The following GCNT2 variants were observed in gnomAD, a reference collection of about 807,000 sequenced individuals.
The protein encoded by GCNT2 is N-acetyllactosaminide beta-1,6-N-acetylglucosaminyl-transferase.
In GCNT2, 34 loss-of-function variants were observed where a neutral mutation model predicts 34.2. The ratio of observed to expected loss-of-function variants is 1.00; its 90% CI spans 0.76 to 1.32. GCNT2 has a LOEUF of 1.32. Among genes scored for constraint, GCNT2 ranks in the 40% most tolerant of loss-of-function variants. The pLI is 0.00. For missense variants in GCNT2, 584 were observed against 489.4 expected, an observed-to-expected ratio of 1.19 and a Z score of -1.82; for synonymous variants, 212 against 188.0, an observed-to-expected ratio of 1.13 and a Z score of -1.04.
chr6:10,557,217 T>C, intron 3 of GCNT2: 1 of 1,586,294 alleles, frequency 6.3e-7, no homozygotes, highest in Non-Finnish European at 8.6e-7. Context: ...TCTGCCTATG[T>C]GGCTCTATCA....
At chr6:10,581,077 G>A (rs1230402155) in intron 3 of GCNT2, among the ~76,000 whole-genome samples, 1 of 152,098 alleles carries the variant, frequency 6.6e-6, no homozygotes, top group African/African-American at 2.4e-5. Context: ...TTATTTACTG[G>A]AAGGAAATGC....
chr6:10,601,797 C>T (rs1365289749), intron 3 of GCNT2, among the ~76,000 whole-genome samples: 9 of 151,856 alleles, frequency 5.9e-5, no homozygotes, highest in African/African-American at 2.2e-4. Flanking sequence ...AAAAATTAGC[C>T]GGGCGTGGTG....
chr6:10,558,712 G>T (rs1254730541), intron 3 of GCNT2, among the ~76,000 whole-genome samples: 1 of 152,250 alleles, frequency 6.6e-6, no homozygotes, highest in Non-Finnish European at 1.5e-5. Flanking sequence ...AGGCTGCAGG[G>T]CAGGGCCTGC....
At chr6:10,536,780 T>C (rs578217361) in intron 3 of GCNT2, among the ~76,000 whole-genome samples, 1 of 148,494 alleles carries the variant, frequency 6.7e-6, no homozygotes, top group African/African-American at 2.5e-5. Context: ...CTCGGCTCAC[T>C]GCAACCTCCG....
At chr6:10,531,629 A>C (rs1414196412) in intron 3 of GCNT2, among the ~76,000 whole-genome samples, 3 of 152,194 alleles carry the variant, frequency 2.0e-5, no homozygotes, top group African/African-American at 7.2e-5. Flanking sequence ...TGATTTTCTC[A>C]GAGCCAGAAG....
At chr6:10,608,038 C>G (rs1261927130) in intron 3 of GCNT2, among the ~76,000 whole-genome samples, 4 of 151,044 alleles carry the variant, frequency 2.6e-5, no homozygotes, top group Non-Finnish European at 5.9e-5. Flanking sequence ...GAGACAGATT[C>G]CAATAGATTG....
intron 3 of GCNT2, among the ~76,000 whole-genome samples, chr6:10,541,639 T>C (rs903831590): frequency 6.6e-6 from 1 of 152,170 alleles, no homozygotes; most frequent in Non-Finnish European, 1.5e-5. Context: ...ATTTAAAATA[T>C]TCAGAAAATG....
chr6:10,586,619 TA>T, intron 3 of GCNT2: 1 of 1,614,188 alleles, frequency 6.2e-7, no homozygotes, highest in Non-Finnish European at 8.5e-7. Context: ...TGAAAGGATT[TA>T]AAGGGAAAAA....
At chr6:10,580,484 G>T (rs1278203385) in intron 3 of GCNT2, among the ~76,000 whole-genome samples, 1 of 152,038 alleles carries the variant, frequency 6.6e-6, no homozygotes, top group Non-Finnish European at 1.5e-5. Context: ...ATCTGTTTTT[G>T]CTTAATTCCT....
chr6:10,597,446 C>A (rs931403189), intron 3 of GCNT2, among the ~76,000 whole-genome samples: 1 of 151,930 alleles, frequency 6.6e-6, no homozygotes, highest in Non-Finnish European at 1.5e-5. Context: ...CTAGCCACCA[C>A]GCCCGGCCAG....
At chr6:10,565,759 C>T (rs1031538092) in intron 3 of GCNT2, among the ~76,000 whole-genome samples, 7 of 152,184 alleles carry the variant, frequency 4.6e-5, no homozygotes, top group Non-Finnish European at 7.3e-5. Context: ...ATCGCTCCCC[C>T]GTGACACGTT....
intron 3 of GCNT2, among the ~76,000 whole-genome samples, chr6:10,578,265 C>T (rs1024716012): frequency 6.6e-6 from 1 of 151,514 alleles, no homozygotes; most frequent in Non-Finnish European, 1.5e-5. Flanking sequence ...TCTATAATCC[C>T]AGCTACTCTG....
chr6:10,534,044 C>G (rs1177978200), intron 3 of GCNT2, among the ~76,000 whole-genome samples: 1 of 151,514 alleles, frequency 6.6e-6, no homozygotes, highest in Non-Finnish European at 1.5e-5. Flanking sequence ...GAAATTCTTG[C>G]CTGTGCTTCA....
At chr6:10,523,254 C>G (rs1408586804) in intron 1 of GCNT2, among the ~76,000 whole-genome samples, 1 of 151,956 alleles carries the variant, frequency 6.6e-6, no homozygotes, top group African/African-American at 2.4e-5. Flanking sequence ...AACCCCATCT[C>G]TACTAAAAAG....
At chr6:10,558,821 G>A (rs560271402) in intron 3 of GCNT2, among the ~76,000 whole-genome samples, 75 of 152,310 alleles carry the variant, frequency 4.9e-4, no homozygotes, top group African/African-American at 1.8e-3. Context: ...CGTATGCTGC[G>A]CACACTGTTT....
intron 3 of GCNT2, chr6:10,557,030 C>A (rs921622046): frequency 8.7e-6 from 14 of 1,613,112 alleles, no homozygotes; most frequent in Non-Finnish European, 1.2e-5. Context: ...GGAAATAGTT[C>A]AGTATCTGAA....
rs569056707 is a variant in GCNT2, at chr6:10,556,726, C to T, written c.925+26890C>T. On this transcript the variant is annotated intron_variant, in intron 3 of 4. Coordinates refer to ENST00000495262, the MANE Select transcript of GCNT2 (RefSeq NM_145649.5). ...TTCCCTTGGCATATATAATGGTCAT[C>T]CATCATCACTTTGACACCTTTGCAA... 90 of 1,614,206 alleles carry T rather than the reference C, an allele frequency of 5.6e-5. No individual in the cohort carries two copies. Among genetic ancestry groups the T allele is most frequent in the Non-Finnish European group, 7.3e-5 (86 of 1,180,020 alleles).
chr6:10,557,411 C>A, intron 3 of GCNT2: 1 of 1,194,206 alleles, frequency 8.4e-7, no homozygotes, highest in South Asian at 1.2e-5. Context: ...AATAACCAGC[C>A]ACTTTTTATT....
intron 3 of GCNT2, among the ~76,000 whole-genome samples, chr6:10,616,722 G>C (rs982505590): frequency 1.3e-5 from 2 of 152,154 alleles, no homozygotes; most frequent in Admixed American, 1.3e-4. Context: ...GCTGATTGGT[G>C]TGTTTACAAA....
Sources: allele counts gnomAD v4.1 joint callset (sites outside exome capture counted in the v4.1 genomes callset), GRCh38; gene constraint gnomAD v4.1.1; transcripts MANE v1.5; gene names NCBI Gene and HGNC (gene_info 2026-07-23, HGNC 2026-07-21).